Variants in MBD5 observed in about 807,000 individuals in gnomAD.
The protein encoded by MBD5 is methyl-CpG-binding domain protein 5.
Under a neutral mutation model 117.3 loss-of-function variants are expected in MBD5, and 13 were observed. The ratio of observed to expected loss-of-function variants is 0.11; its 90% confidence interval spans 0.07 to 0.18. MBD5 has a LOEUF of 0.18. Ranked by LOEUF, MBD5 falls within the 10% of genes least tolerant of loss-of-function variation. The pLI is 1.00. For missense variants in MBD5, 1,879 were observed against 2,093.8 expected, an observed-to-expected ratio of 0.90 and a Z score of 2.00; for synonymous variants, 727 against 766.4, an observed-to-expected ratio of 0.95 and a Z score of 0.85.
intron 1 of MBD5, among the ~76,000 whole-genome samples, chr2:148,120,810 T>C (rs1486229742): frequency 1.3e-5 from 2 of 152,214 alleles, no homozygotes; most frequent in Non-Finnish European, 2.9e-5. Context: ...GAAACTCCAG[T>C]ACAATGTTTA....
At chr2:148,026,397 A>T (rs1693893585) in intron 1 of MBD5, 1 of 152,214 alleles carries the variant, frequency 6.6e-6, no homozygotes, top group South Asian at 2.1e-4. Flanking sequence ...CCAGTCTTTT[A>T]TAAGGAATGT....
intron 8 of MBD5, 142 bp downstream of exon 8, chr2:148,470,603 T>A (rs1680765320): frequency 1.4e-6 from 1 of 697,804 alleles, no homozygotes; most frequent in Non-Finnish European, 2.3e-6. Context: ...TATTTATAAT[T>A]TTATTTACAG....
intron 4 of MBD5, among the ~76,000 whole-genome samples, chr2:148,361,204 G>C (rs887866375): frequency 1.3e-5 from 2 of 152,106 alleles, no homozygotes; most frequent in African/African-American, 4.8e-5. Flanking sequence ...ACAAAAATTA[G>C]CCAGGTGAGG....
intron 1 of MBD5, among the ~76,000 whole-genome samples, chr2:148,080,806 A>G (rs1176190710): frequency 3.3e-5 from 5 of 152,204 alleles, no homozygotes; most frequent in South Asian, 4.1e-4. Flanking sequence ...TGGTTTAAAC[A>G]TTTAAAAAGT....
At chr2:148,366,759 A>G (rs1045651655) in intron 4 of MBD5, among the ~76,000 whole-genome samples, 36 of 152,266 alleles carry the variant, frequency 2.4e-4, no homozygotes, top group African/African-American at 8.4e-4. Context: ...ACCTAGGAAT[A>G]CAACTTACAA....
intron 1 of MBD5, among the ~76,000 whole-genome samples, chr2:148,126,256 T>G (rs1267733202): frequency 6.6e-6 from 1 of 151,284 alleles, no homozygotes; most frequent in Admixed American, 6.6e-5. Context: ...AAAAAAAAAT[T>G]TAGCTGGGCG....
intron 4 of MBD5, among the ~76,000 whole-genome samples, chr2:148,447,138 A>G (rs549846908): frequency 9.3e-5 from 14 of 151,028 alleles, no homozygotes; most frequent in African/African-American, 2.9e-4. Context: ...AGAAAGAGAG[A>G]GAGAGAAAGA....
chr2:148,320,701 T>G (rs1490241713), intron 3 of MBD5, among the ~76,000 whole-genome samples: 1 of 152,164 alleles, frequency 6.6e-6, no homozygotes, highest in Non-Finnish European at 1.5e-5. Context: ...TGCTGTTCAT[T>G]ATTAATCTGT....
rs1473923947 is a variant in MBD5, at chr2:148,489,531, T to A, written c.3899T>A (p.Leu1300His). Residue 1300 changes from leucine to histidine, a missense_variant, in exon 11 of 14, where the codon CTT becomes CAT. Physicochemically the swap from Leu to His is moderately conservative, Grantham distance 99. Transcript: ENST00000642680. The stretch of plus-strand genomic sequence containing the variant: ...TTGCAACCGAGGATTGACCCATCTC[T>A]TGGTCAACAGGTGAAGGATGGCCTC... The part of the protein sequence containing the change: ...CELQPRIDPS[L>H]GQQVKDGLVV... The A allele has an allele frequency of 6.2e-7, 1 of 1,614,104 alleles. No individual in the cohort carries two copies. The highest frequency in any genetic ancestry group is 8.5e-7 in the Non-Finnish European group (1 of 1,180,054).
chr2:148,131,484 A>T (rs1438177567), intron 1 of MBD5, among the ~76,000 whole-genome samples: 1 of 152,174 alleles, frequency 6.6e-6, no homozygotes, highest in African/African-American at 2.4e-5. Context: ...ACTTGATGCC[A>T]GGAGTTCAAG....
intron 4 of MBD5, among the ~76,000 whole-genome samples, chr2:148,445,918 C>G (rs1428267801): frequency 6.6e-6 from 1 of 151,326 alleles, no homozygotes; most frequent in Non-Finnish European, 1.5e-5. Flanking sequence ...TGTCTGTTGG[C>G]TGCATAAATG....
intron 1 of MBD5, among the ~76,000 whole-genome samples, chr2:148,053,074 A>G (rs1694765780): frequency 6.6e-6 from 1 of 151,146 alleles, no homozygotes; most frequent in Non-Finnish European, 1.5e-5. Flanking sequence ...TTTCTTGCTC[A>G]TCTTCTATTT....
intron 1 of MBD5, among the ~76,000 whole-genome samples, chr2:148,078,993 T>C (rs1165084251): frequency 6.6e-6 from 1 of 152,208 alleles, no homozygotes; most frequent in Non-Finnish European, 1.5e-5. Context: ...GACATGCTTA[T>C]AGGAAAATGT....
intron 4 of MBD5, among the ~76,000 whole-genome samples, chr2:148,382,154 A>G (rs1704167229): frequency 8.0e-6 from 1 of 124,226 alleles, no homozygotes; most frequent in South Asian, 3.2e-4. Context: ...ATTAAAAGAC[A>G]CAGACTGGCA....
chr2:148,361,496 A>AT, intron 4 of MBD5, among the ~76,000 whole-genome samples: 1 of 152,316 alleles, frequency 6.6e-6, no homozygotes, highest in South Asian at 2.1e-4. Flanking sequence ...CATTTTTAAA[A>AT]GGTAGGGTAT....
intron 4 of MBD5, among the ~76,000 whole-genome samples, chr2:148,456,035 A>C (rs1005079850): frequency 1.1e-4 from 16 of 152,140 alleles, no homozygotes; most frequent in African/African-American, 2.7e-4. Flanking sequence ...GACCCGTCCT[A>C]ACTTCCTCAT....
intron 4 of MBD5, among the ~76,000 whole-genome samples, chr2:148,415,005 G>A (rs1018163401): frequency 6.6e-6 from 1 of 152,136 alleles, no homozygotes; most frequent in South Asian, 2.1e-4. Context: ...CTGTTATATT[G>A]TTATATTGTT....
chr2:148,447,205 AAGAAAG>A (rs1171972672), intron 4 of MBD5, among the ~76,000 whole-genome samples: 1 of 11,770 alleles, frequency 8.5e-5, no homozygotes, highest in African/African-American at 9.8e-5. Context: ...GAAAGAAAGA[AAGAAAG>A]AAAGAAAGAA....
At chr2:148,510,421 G>A (rs1039442384) in intron 13 of MBD5, among the ~76,000 whole-genome samples, 2 of 152,176 alleles carry the variant, frequency 1.3e-5, no homozygotes, top group Admixed American at 1.3e-4. Flanking sequence ...ACAGCTTTCT[G>A]CACTTGACTC....
Sources: gnomAD v4.1 joint callset for allele counts (sites outside exome capture counted in the v4.1 genomes callset) on GRCh38, gnomAD v4.1.1 for gene constraint, MANE v1.5 for transcripts, NCBI Gene and HGNC (gene_info 2026-07-23, HGNC 2026-07-21) for gene names.